Variants in PHF21A observed in about 807,000 individuals in gnomAD.
PHF21A encodes BHC80a.
PHF21A carries 11 observed loss-of-function variants against 82.5 expected under a neutral mutation model. That is an observed-to-expected ratio of 0.13 (90% CI 0.08 to 0.22). The LOEUF is 0.22. Among genes scored for constraint, PHF21A ranks in the 10% least tolerant of loss-of-function variants. PHF21A has a pLI of 1.00. For synonymous variants in PHF21A, 297 were observed against 302.8 expected, an observed-to-expected ratio of 0.98 and a Z score of 0.20; for missense variants, 579 against 837.8, an observed-to-expected ratio of 0.69 and a Z score of 3.81.
intron 6 of PHF21A, among the ~76,000 whole-genome samples, chr11:46,040,917 ACACACACACACACACACG>A (rs1164758493): frequency 1.1e-4 from 16 of 149,304 alleles, no homozygotes; most frequent in African/African-American, 2.8e-4. Flanking sequence ...ACACACACAC[ACACACACACACACACACG>A]CACGCACAAT....
intron 6 of PHF21A, among the ~76,000 whole-genome samples, chr11:46,034,253 C>T (rs2095936817): frequency 1.4e-5 from 2 of 141,920 alleles, no homozygotes; most frequent in Admixed American, 1.6e-4. Context: ...CCTTGGGAGG[C>T]TCATACTTTT....
intron 6 of PHF21A, among the ~76,000 whole-genome samples, chr11:46,040,891 ACAC>A (rs1181227716): frequency 8.7e-5 from 2 of 23,120 alleles, no homozygotes; most frequent in Admixed American, 4.6e-4. Context: ...TGACAGGAAG[ACAC>A]ACACACACAC....
intron 6 of PHF21A, among the ~76,000 whole-genome samples, chr11:46,060,200 G>A (rs1056068111): frequency 2.6e-5 from 4 of 152,020 alleles, no homozygotes; most frequent in Admixed American, 6.6e-5. Flanking sequence ...GTCTTGCTAC[G>A]TTGGCCTGGC....
intron 15 of PHF21A, among the ~76,000 whole-genome samples, chr11:45,945,108 ACTTT>A (rs757704940): frequency 1.3e-5 from 2 of 152,146 alleles, no homozygotes; most frequent in Non-Finnish European, 2.9e-5. Flanking sequence ...TTATATATTC[ACTTT>A]CTTATTATCT....
At position 46,031,196 on chromosome 11, in the gene PHF21A, G is replaced by C. The variant is rs1435658498; in HGVS notation, c.153+45558C>G. ...GTTCCCAATAATGCCTAATCTTGTT[G>C]ATTGTTCTGCAATAATGTCCCTTCC... is the stretch of plus-strand genomic sequence containing the variant. On this transcript the variant is annotated intron_variant, in intron 6 of 18. Transcript: ENST00000676320. Among the ~76,000 whole-genome samples the C allele has an allele frequency of 2.0e-5, 3 of 152,074 alleles. No homozygotes were observed. In the East Asian group the frequency reaches 5.8e-4, roughly 29 times the overall value.
Position 45,953,613 on chromosome 11 carries a change from G to A in PHF21A, c.1009C>T (p.His337Tyr), listed in dbSNP as rs759323487. 1 of 1,610,780 alleles carries A rather than the reference G, an allele frequency of 6.2e-7. No homozygotes were observed. Among genetic ancestry groups the A allele is most frequent in the Admixed American group, 1.7e-5 (1 of 60,004 alleles). Residue 337 changes from histidine (H) to tyrosine (Y), a missense_variant, in exon 11 of 19, where the codon CAC (histidine) becomes TAC (tyrosine). Around this residue, in one of 3 missense-constraint regions of PHF21A, gnomAD observed 410 missense variants for 642.1 expected, o/e 0.64. Transcript: ENST00000676320. ...PSLEKQTVKS[H>Y]TETDEKQTES... ...GTTTGTTTCTCATCTGTTTCTGTGT[G>A]AGATTTAACTGTCTAGGAGAGAAAA...
rs2096549244 is a variant in PHF21A at position 46,062,640 on chromosome 11, T to C, written c.153+14114A>G. On this transcript the variant is annotated intron_variant, in intron 6 of 18. Coordinates refer to ENST00000676320, the MANE Select transcript of PHF21A (RefSeq NM_001352027.3). Reference sequence around the variant, plus strand: ...ACATTAGCAGCTTCCCTTAAATATCTAGTGATTCTTGGCTATGTTCATATT... The same window carrying C: ...ACATTAGCAGCTTCCCTTAAATATCCAGTGATTCTTGGCTATGTTCATATT... Among the ~76,000 whole-genome samples the C allele has an allele frequency of 1.3e-5, 2 of 152,166 alleles. 1 individual carries two copies. Among genetic ancestry groups the C allele is most frequent in the South Asian group, 4.1e-4 (2 of 4,836 alleles).
At chr11:46,101,747 C>T (rs1426528574) in intron 1 of PHF21A, among the ~76,000 whole-genome samples, 3 of 152,146 alleles carry the variant, frequency 2.0e-5, no homozygotes, top group Non-Finnish European at 4.4e-5. Flanking sequence ...TCAATCCACC[C>T]AACTCAGCCT....
chr11:46,104,094 A>G (rs1398918307), intron 1 of PHF21A, among the ~76,000 whole-genome samples: 1 of 152,212 alleles, frequency 6.6e-6, no homozygotes, highest in Non-Finnish European at 1.5e-5. Context: ...CAGGCACCAA[A>G]TGAGAGGAAA....
chr11:46,070,753 C>G (rs897180767), intron 6 of PHF21A, among the ~76,000 whole-genome samples: 1 of 152,154 alleles, frequency 6.6e-6, no homozygotes, highest in African/African-American at 2.4e-5. Context: ...GAAAGAACAA[C>G]AAAATTTAAA....
At chr11:46,057,316 C>T (rs2096472989) in intron 6 of PHF21A, among the ~76,000 whole-genome samples, 1 of 152,126 alleles carries the variant, frequency 6.6e-6, no homozygotes, top group African/African-American at 2.4e-5. Context: ...ATCAGCCTTC[C>T]TCAGCCAGGA....
chr11:45,971,619 T>C (rs2093749401), intron 7 of PHF21A, among the ~76,000 whole-genome samples: 1 of 152,152 alleles, frequency 6.6e-6, no homozygotes, highest in Non-Finnish European at 1.5e-5. Context: ...TAGTAATAAC[T>C]GCAGACTAAT....
intron 6 of PHF21A, among the ~76,000 whole-genome samples, chr11:46,074,462 A>T (rs2860403): frequency 1.5e-5 from 2 of 133,950 alleles, no homozygotes; most frequent in Non-Finnish European, 1.7e-5. Flanking sequence ...TTTTGGCGGG[A>T]GGGGGGAAGG....
At chr11:46,079,663 C>A (rs1246173154) in intron 4 of PHF21A, among the ~76,000 whole-genome samples, 3 of 152,078 alleles carry the variant, frequency 2.0e-5, no homozygotes, top group African/African-American at 4.8e-5. Context: ...AGAAGGAGTT[C>A]GGTGCAGGGG....
At chr11:46,066,228 C>T (rs1042596632) in intron 6 of PHF21A, among the ~76,000 whole-genome samples, 15 of 151,990 alleles carry the variant, frequency 9.9e-5, no homozygotes, top group African/African-American at 3.4e-4. Flanking sequence ...TGGGGAAGGA[C>T]GAAGGGATTT....
chr11:46,071,812 AT>A (rs1282331614), intron 6 of PHF21A, among the ~76,000 whole-genome samples: 1 of 152,212 alleles, frequency 6.6e-6, no homozygotes, highest in African/African-American at 2.4e-5. Flanking sequence ...TTATGCTAAT[AT>A]TTAAAGCTGT....
At chr11:46,034,499 A>G (rs1344753189) in intron 6 of PHF21A, among the ~76,000 whole-genome samples, 2 of 152,196 alleles carry the variant, frequency 1.3e-5, no homozygotes, top group Non-Finnish European at 2.9e-5. Flanking sequence ...CCAAGATAAA[A>G]AGAACAAAAA....
At chr11:46,027,796 C>T (rs980685884) in intron 6 of PHF21A, among the ~76,000 whole-genome samples, 1 of 152,160 alleles carries the variant, frequency 6.6e-6, no homozygotes, top group Admixed American at 6.5e-5. Flanking sequence ...TTCTTTTTAT[C>T]CTGTTTTCAG....
At chr11:46,076,722 TA>T in intron 6 of PHF21A, 31 bp downstream of exon 6, 1 of 1,575,362 alleles carries the variant, frequency 6.3e-7, no homozygotes, top group Non-Finnish European at 8.7e-7. Context: ...AACACAACGT[TA>T]AAAATATGCC....
Sources: gnomAD v4.1 joint callset for allele counts (sites outside exome capture counted in the v4.1 genomes callset) on GRCh38, gnomAD v4.1.1 for gene constraint, gnomAD v4.1.1 regional missense constraint, MANE v1.5 for transcripts, NCBI Gene and HGNC (gene_info 2026-07-23, HGNC 2026-07-21) for gene names.